The following ADAM12 variants were observed in gnomAD, a reference collection of about 807,000 sequenced individuals.
ADAM12 encodes the protein ADAM metallopeptidase domain 12.
Under a neutral mutation model 106.4 loss-of-function variants are expected in ADAM12, and 70 were observed. The observed-to-expected ratio is 0.66, with a 90% confidence interval of 0.54 to 0.80. The LOEUF (loss-of-function observed/expected upper bound fraction) is 0.80, where lower values mean the gene tolerates loss of function less well. Among genes scored for constraint, ADAM12 ranks in the 30% least tolerant of loss-of-function variants. The pLI, the probability that ADAM12 is intolerant of heterozygous loss-of-function variation, is 0.00. For missense variants in ADAM12, 1,010 were observed against 1,171.9 expected (o/e 0.86, Z 2.02); for synonymous variants, 420 against 433.5 (o/e 0.97, Z 0.39).
intron 1 of ADAM12, among the ~76,000 whole-genome samples, chr10:126,370,314 T>A (rs1434435447): frequency 6.6e-6 from 1 of 152,220 alleles, no homozygotes; most frequent in Non-Finnish European, 1.5e-5. Flanking sequence ...AAATAACAAA[T>A]GCACTCATGC....
At chr10:126,041,095 C>A (rs917331752) in intron 18 of ADAM12, among the ~76,000 whole-genome samples, 3 of 152,148 alleles carry the variant, frequency 2.0e-5, no homozygotes, top group African/African-American at 7.2e-5. Context: ...CCTGACAACC[C>A]CCTGCCGCTC....
intron 1 of ADAM12, among the ~76,000 whole-genome samples, chr10:126,350,283 G>A (rs1483406571): frequency 6.6e-6 from 1 of 152,186 alleles, no homozygotes; most frequent in Non-Finnish European, 1.5e-5. Context: ...TTGATTTTCT[G>A]TGGAATCAAG....
chr10:126,017,317 G>A lies in ADAM12; in HGVS notation c.2683C>T (p.Gln895Ter), dbSNP rs1953678321. ...GCGGTGTGGGTGGATCTGGGCACTT[G>A]GTGTGGATATTGTGGAGCAGGTCTG... The part of the protein sequence containing the change: ...PLRPAPQYPH[Q>*]VPRSTHTAYI... The change falls in exon 23 of 23, where the codon CAA (glutamine) becomes TAA (stop). Residue 895 changes from glutamine to a stop codon, truncating the protein, a stop_gained. Transcript: ENST00000448723. LOFTEE classifies it high-confidence loss of function. The A allele has an allele frequency of 6.3e-7, 1 of 1,591,252 alleles. No homozygotes were observed. Among genetic ancestry groups the A allele is most frequent in the Non-Finnish European group, 8.6e-7 (1 of 1,167,758 alleles).
At chr10:126,326,410 T>G (rs745958019) in intron 2 of ADAM12, among the ~76,000 whole-genome samples, 3 of 152,092 alleles carry the variant, frequency 2.0e-5, no homozygotes, top group Admixed American at 1.3e-4. Flanking sequence ...GGGGTGTATA[T>G]GATGGAAGCT....
At chr10:126,065,734 A>G (rs1363643283) in intron 13 of ADAM12, among the ~76,000 whole-genome samples, 1 of 152,178 alleles carries the variant, frequency 6.6e-6, no homozygotes, top group East Asian at 1.9e-4. Flanking sequence ...CTGGAAGTCG[A>G]AAGCAATTGT....
intron 1 of ADAM12, among the ~76,000 whole-genome samples, chr10:126,387,782 A>C (rs1438375934): frequency 1.3e-5 from 2 of 151,550 alleles, no homozygotes; most frequent in Non-Finnish European, 2.9e-5. Flanking sequence ...ATGTCACCCA[A>C]GAGGGTGAGG....
At chr10:126,231,576 C>T (rs1307998178) in intron 3 of ADAM12, among the ~76,000 whole-genome samples, 1 of 152,166 alleles carries the variant, frequency 6.6e-6, no homozygotes, top group Non-Finnish European at 1.5e-5. Flanking sequence ...TGCCCTGGCG[C>T]AGGACTCCTG....
chr10:126,140,753 T>C (rs12247230), intron 4 of ADAM12, among the ~76,000 whole-genome samples: 20,322 of 152,292 alleles, frequency 0.13, 1,485 homozygotes, highest in Middle Eastern at 0.22. Flanking sequence ...ACAAATGTGA[T>C]TGAGTTTTTA....
At chr10:126,346,258 T>C (rs1394343997) in intron 1 of ADAM12, among the ~76,000 whole-genome samples, 8 of 152,268 alleles carry the variant, frequency 5.3e-5, no homozygotes, top group Non-Finnish European at 5.9e-5. Context: ...CATCTTTATT[T>C]CTGCCTTCAT....
intron 3 of ADAM12, among the ~76,000 whole-genome samples, chr10:126,257,084 C>G (rs1471077072): frequency 6.6e-6 from 1 of 152,232 alleles, no homozygotes; most frequent in African/African-American, 2.4e-5. Flanking sequence ...AGTGCCCACT[C>G]TCAGCCCCTT....
chr10:126,049,181 A>C lies in ADAM12; in HGVS notation c.1917+72T>G. The C allele has an allele frequency of 6.3e-7, 1 of 1,583,398 alleles. No individual in the cohort carries two copies. The highest frequency in any genetic ancestry group is 8.6e-7 in the Non-Finnish European group (1 of 1,159,812). ...GGAAAACCAACAAACCTTGTAACCCAGTTCTTGCTGTTTTTCAATGGGCCC... is the reference window on the plus strand; with the variant it reads ...GGAAAACCAACAAACCTTGTAACCCCGTTCTTGCTGTTTTTCAATGGGCCC... On this transcript the variant is annotated intron_variant, in intron 16 of 22. Transcript: ENST00000448723. This position sits in a 1 kb window ranked among gnomAD's most constrained non-coding sequence, Gnocchi z 4.4.
At chr10:126,069,993 G>A (rs1321645008) in intron 12 of ADAM12, among the ~76,000 whole-genome samples, 2 of 152,178 alleles carry the variant, frequency 1.3e-5, no homozygotes, top group African/African-American at 2.4e-5. Flanking sequence ...ATGAAGAGCT[G>A]TCAAATTTAT....
chr10:126,334,852 A>C lies in ADAM12; in HGVS notation c.89-4343T>G, dbSNP rs1292032851. Among the ~76,000 whole-genome samples the C allele has an allele frequency of 4.6e-5, 7 of 152,268 alleles. No homozygotes were observed. In the East Asian group the frequency reaches 1.4e-3, roughly 29 times the overall value. On this transcript the variant is annotated intron_variant, in intron 1 of 22. Transcript: ENST00000448723. The stretch of plus-strand genomic sequence containing the variant: ...CTGATGCAGCAGCTCTAAGACATAC[A>C]CAGTGAAGAGGGGACATCTTGGAGC...
At chr10:126,332,431 A>G (rs192186445) in intron 1 of ADAM12, among the ~76,000 whole-genome samples, 5 of 152,326 alleles carry the variant, frequency 3.3e-5, no homozygotes, top group Middle Eastern at 3.4e-3. Context: ...TGAAAAGAAG[A>G]CCATTTCAGA....
Position 126,178,408 on chromosome 10 carries a change from CTTT to C in ADAM12, c.261-23106_261-23104del, listed in dbSNP as rs10549268. Among the ~76,000 whole-genome samples the C allele has an allele frequency of 4.4e-3, 458 of 103,888 alleles. 1 individual carries two copies. The highest frequency in any genetic ancestry group is 0.012 in the African/African-American group (348 of 30,140). The allele number at this position is 103,888 out of a possible 152,430, so 68.2% of individuals were successfully genotyped here. On this transcript the variant is annotated intron_variant, in intron 3 of 22. Transcript: ENST00000448723. Reference sequence around the variant, plus strand: ...TACCTTAGTCCTCATTGGAGGACATCTTTTTTTTTTTTTTTTTTTTTTTTGGAT... The same window carrying C: ...TACCTTAGTCCTCATTGGAGGACATCTTTTTTTTTTTTTTTTTTTTTGGAT...
intron 3 of ADAM12, among the ~76,000 whole-genome samples, chr10:126,234,553 T>C (rs1160405622): frequency 6.6e-6 from 1 of 152,216 alleles, no homozygotes; most frequent in Non-Finnish European, 1.5e-5. Flanking sequence ...CTCTGCCCAG[T>C]AATGAGTTGG....
At chr10:126,169,801 G>A (rs781302906) in intron 3 of ADAM12, among the ~76,000 whole-genome samples, 8 of 152,098 alleles carry the variant, frequency 5.3e-5, no homozygotes, top group Non-Finnish European at 1.2e-4. Context: ...GACTTATTTG[G>A]AACCATTGAA....
chr10:126,091,853 G>A (rs963860313), intron 11 of ADAM12, among the ~76,000 whole-genome samples: 3 of 152,044 alleles, frequency 2.0e-5, no homozygotes, highest in Non-Finnish European at 2.9e-5. Context: ...TCCTCCCCAC[G>A]AGCACAGGGG....
At chr10:126,191,793 C>T (rs1957506324) in intron 3 of ADAM12, among the ~76,000 whole-genome samples, 1 of 152,154 alleles carries the variant, frequency 6.6e-6, no homozygotes. Flanking sequence ...TTAGTCCACT[C>T]TCACACTGCT....
Sources: allele counts gnomAD v4.1 joint callset (sites outside exome capture counted in the v4.1 genomes callset), GRCh38; gene constraint gnomAD v4.1.1; non-coding constraint Gnocchi (gnomAD v3.1); transcripts MANE v1.5; gene names NCBI Gene and HGNC (gene_info 2026-07-23, HGNC 2026-07-21).